CERS6: variants seen among roughly 807,000 people sequenced by gnomAD.
CERS6 encodes ceramide synthase 6.
In CERS6, 26 loss-of-function variants were observed where a neutral mutation model predicts 56.8. The observed-to-expected ratio is 0.46, with a 90% CI of 0.34 to 0.63. The LOEUF (loss-of-function observed/expected upper bound fraction) is 0.63. Among genes scored for constraint, CERS6 ranks in the 30% least tolerant of loss-of-function variants. The pLI, the probability that CERS6 is intolerant of heterozygous loss-of-function variation, is 0.01. For synonymous variants in CERS6, 164 were observed against 173.3 expected (o/e 0.95, Z 0.42); for missense variants, 415 against 467.5 (o/e 0.89, Z 1.04).
chr2:168,704,954 G>T (rs1686901855), intron 6 of CERS6, among the ~76,000 whole-genome samples: 1 of 152,174 alleles, frequency 6.6e-6, no homozygotes. Context: ...ACCTTGTTCT[G>T]TTTGTTAGTC....
At chr2:168,634,500 C>T (rs570996704) in intron 4 of CERS6, among the ~76,000 whole-genome samples, 8 of 152,206 alleles carry the variant, frequency 5.3e-5, no homozygotes, top group African/African-American at 9.6e-5. Context: ...GCAACCTACC[C>T]CTCCTGGGTT....
At chr2:168,626,317 G>A (rs1221277095) in intron 3 of CERS6, among the ~76,000 whole-genome samples, 1 of 152,148 alleles carries the variant, frequency 6.6e-6, no homozygotes, top group Non-Finnish European at 1.5e-5. Flanking sequence ...CCTAGAACAT[G>A]TGCTGAGTCG....
chr2:168,519,693 C>T (rs530363395), intron 1 of CERS6, among the ~76,000 whole-genome samples: 8 of 152,310 alleles, frequency 5.3e-5, no homozygotes, highest in African/African-American at 1.7e-4. Flanking sequence ...GCTACATCAA[C>T]GTTGCTGCAA....
intron 1 of CERS6, among the ~76,000 whole-genome samples, chr2:168,529,241 C>G (rs1379296781): frequency 6.6e-6 from 1 of 152,112 alleles, no homozygotes. Context: ...CAGTCATCCT[C>G]GATTGTGAAA....
At chr2:168,728,019 G>T (rs1373036434) in intron 8 of CERS6, among the ~76,000 whole-genome samples, 1 of 152,216 alleles carries the variant, frequency 6.6e-6, no homozygotes, top group African/African-American at 2.4e-5. Context: ...GTAATTTCAG[G>T]ATTGAAGGGC....
At chr2:168,636,313 C>G (rs1684859213) in intron 4 of CERS6, among the ~76,000 whole-genome samples, 4 of 152,146 alleles carry the variant, frequency 2.6e-5, no homozygotes. Context: ...ACAACAACAA[C>G]TTAGATAAGT....
chr2:168,543,676 T>A (rs1695413175), intron 1 of CERS6, among the ~76,000 whole-genome samples: 1 of 152,232 alleles, frequency 6.6e-6, no homozygotes, highest in Non-Finnish European at 1.5e-5. Flanking sequence ...CTCTTGTTTT[T>A]TCTTCTTTCA....
intron 8 of CERS6, among the ~76,000 whole-genome samples, chr2:168,720,852 G>A (rs1036981063): frequency 6.6e-6 from 1 of 152,018 alleles, no homozygotes; most frequent in African/African-American, 2.4e-5. Context: ...GAATAGGTAC[G>A]GTTCAAAAAA....
chr2:168,536,950 A>G (rs536254202), intron 1 of CERS6, among the ~76,000 whole-genome samples: 1 of 152,258 alleles, frequency 6.6e-6, no homozygotes, highest in South Asian at 2.1e-4. Flanking sequence ...GGCAATAAAC[A>G]TTTCTTGAGT....
At chr2:168,758,510 G>A (rs1441695088) in intron 8 of CERS6, among the ~76,000 whole-genome samples, 3 of 152,126 alleles carry the variant, frequency 2.0e-5, no homozygotes, top group Admixed American at 6.5e-5. Context: ...AGGAGCGGCG[G>A]AGGCAAATTT....
intron 3 of CERS6, among the ~76,000 whole-genome samples, chr2:168,626,442 T>C (rs1684592410): frequency 6.6e-6 from 1 of 152,158 alleles, no homozygotes; most frequent in Non-Finnish European, 1.5e-5. Context: ...AATGCTCTGA[T>C]TTCCTGCTTC....
chr2:168,756,769 C>T (rs559561352), intron 8 of CERS6, among the ~76,000 whole-genome samples: 2 of 152,242 alleles, frequency 1.3e-5, no homozygotes, highest in East Asian at 3.9e-4. Flanking sequence ...CAGCCTAGAC[C>T]AGCAGACAGG....
At chr2:168,538,774 A>G (rs1175710307) in intron 1 of CERS6, among the ~76,000 whole-genome samples, 2 of 152,138 alleles carry the variant, frequency 1.3e-5, no homozygotes, top group African/African-American at 2.4e-5. Flanking sequence ...GCTATTTGCC[A>G]TTTTCCCTCT....
intron 1 of CERS6, among the ~76,000 whole-genome samples, chr2:168,503,816 CAG>C (rs1334655962): frequency 1.3e-5 from 2 of 152,020 alleles, no homozygotes; most frequent in East Asian, 3.9e-4. Flanking sequence ...ATAAGGGAGT[CAG>C]GGGAGGAAAC....
chr2:168,485,458 T>G (rs963554537), intron 1 of CERS6, among the ~76,000 whole-genome samples: 1 of 152,174 alleles, frequency 6.6e-6, no homozygotes, highest in African/African-American at 2.4e-5. Context: ...TCAGAATAGT[T>G]CTACTGCCCT....
In CERS6 at chr2:168,616,632, A is replaced by T. The variant is rs1206718484; in HGVS notation, c.408-14353A>T. Among the ~76,000 whole-genome samples, 4 of 152,250 alleles carry T rather than the reference A, an allele frequency of 2.6e-5. No individual in the cohort carries two copies. The East Asian group carries it at 7.7e-4, about 29-fold the overall frequency. On this transcript the variant is annotated intron_variant, in intron 3 of 9. Transcript: ENST00000305747. ...ACTTTAAAGCAACAGCAGTTAAAAA[A>T]GACAAAGAGGAACATTATATAATGA...
chr2:168,692,300 G>A (rs1686525982), intron 5 of CERS6, among the ~76,000 whole-genome samples: 1 of 152,158 alleles, frequency 6.6e-6, no homozygotes, highest in African/African-American at 2.4e-5. Context: ...CTTGTGTCCT[G>A]TAATGGTATA....
At chr2:168,748,783 T>C (rs926461100) in intron 8 of CERS6, among the ~76,000 whole-genome samples, 1 of 146,510 alleles carries the variant, frequency 6.8e-6, no homozygotes, top group African/African-American at 2.5e-5. Context: ...CATCTATTTG[T>C]CTTTTTATTA....
chr2:168,610,837 T>G (rs1335477847), intron 3 of CERS6, among the ~76,000 whole-genome samples: 1 of 152,192 alleles, frequency 6.6e-6, no homozygotes, highest in African/African-American at 2.4e-5. Flanking sequence ...AGTCAGAGTC[T>G]TGCCCTGCCG....
Sources: allele counts gnomAD v4.1 joint callset (sites outside exome capture counted in the v4.1 genomes callset), GRCh38; gene constraint gnomAD v4.1.1; transcripts MANE v1.5; gene names NCBI Gene and HGNC (gene_info 2026-07-23, HGNC 2026-07-21).